The following DPYSL2 variants were observed in gnomAD, a reference collection of about 807,000 sequenced individuals.
DPYSL2 encodes the protein dihydropyrimidinase like 2, also known as dihydropyrimidinase-related protein 2.
DPYSL2 carries 13 observed loss-of-function variants against 69.9 expected under a neutral mutation model. The observed-to-expected ratio is 0.19, with a 90% confidence interval of 0.12 to 0.30. The LOEUF (loss-of-function observed/expected upper bound fraction) is 0.30. Ranked by LOEUF, DPYSL2 falls within the 10% of genes least tolerant of loss-of-function variation. The pLI, the probability that DPYSL2 is intolerant of heterozygous loss-of-function variation, is 1.00. For synonymous variants in DPYSL2, 326 were observed against 359.1 expected (o/e 0.91, Z 1.04); for missense variants, 587 against 918.9 (o/e 0.64, Z 4.67).
chr8:26,655,496 CA>C (rs202021759), intron 13 of DPYSL2, 118 bp from the exon 14 acceptor site: 1,028 of 870,978 alleles, frequency 1.2e-3, no homozygotes, highest in South Asian at 2.7e-3. Context: ...ACGCTGTCTC[CA>C]AAAAAAAAGA....
At chr8:26,639,759 TTAA>T (rs1802998906) in intron 8 of DPYSL2, among the ~76,000 whole-genome samples, 2 of 152,150 alleles carry the variant, frequency 1.3e-5, no homozygotes, top group African/African-American at 4.8e-5. Context: ...TTGGGAGTAT[TTAA>T]TAATATTTTC....
At chr8:26,549,151 T>C (rs1800831680) in intron 1 of DPYSL2, among the ~76,000 whole-genome samples, 1 of 151,864 alleles carries the variant, frequency 6.6e-6, no homozygotes, top group East Asian at 1.9e-4. Flanking sequence ...ATCATGCCAC[T>C]GCACTCCAGC....
intron 1 of DPYSL2, among the ~76,000 whole-genome samples, chr8:26,570,561 A>AC (rs1340745306): frequency 6.6e-6 from 1 of 152,018 alleles, no homozygotes; most frequent in Non-Finnish European, 1.5e-5. Context: ...ACATAGTGAA[A>AC]CCCCATCTCT....
intron 7 of DPYSL2, among the ~76,000 whole-genome samples, chr8:26,630,221 C>T (rs390323): frequency 0.079 from 11,959 of 152,320 alleles, 699 homozygotes; most frequent in Admixed American, 0.21. Flanking sequence ...TTGCAGACAC[C>T]GCAAGGGTTC....
At chr8:26,612,803 G>T (rs6557929) in intron 3 of DPYSL2, among the ~76,000 whole-genome samples, 26,260 of 152,208 alleles carry the variant, frequency 0.17, 2,366 homozygotes, top group Middle Eastern at 0.24. Context: ...GAAGGAGGCG[G>T]TGGTTTAAGC....
chr8:26,528,545 G>A (rs1808523087), intron 1 of DPYSL2, among the ~76,000 whole-genome samples: 1 of 151,908 alleles, frequency 6.6e-6, no homozygotes, highest in African/African-American at 2.4e-5. Flanking sequence ...TACTCAGGAG[G>A]CTGAGGCAGG....
At chr8:26,611,930 A>C (rs1802238680) in intron 3 of DPYSL2, among the ~76,000 whole-genome samples, 1 of 152,232 alleles carries the variant, frequency 6.6e-6, no homozygotes, top group African/African-American at 2.4e-5. Context: ...CTAACAAGGC[A>C]GCCTGGGCTG....
In DPYSL2 at chr8:26,591,112, G is replaced by A. The variant is rs1355166530; in HGVS notation, c.628+7129G>A. Among the ~76,000 whole-genome samples, 4 of 152,196 alleles carry A rather than the reference G, an allele frequency of 2.6e-5. No homozygotes were observed. The highest frequency in any genetic ancestry group is 7.2e-5 in the African/African-American group (3 of 41,462). On this transcript the variant is annotated intron_variant, in intron 3 of 13. Coordinates refer to ENST00000521913, the MANE Select transcript of DPYSL2 (RefSeq NM_001197293.3). This position sits in a 1 kb window ranked among gnomAD's most constrained non-coding sequence, Gnocchi z 5.8. ...GTGGTGATCTTCCACCCCTTCAGGT[G>A]CCCTCATCCCAGTTCCTACTCTGCC...
rs190693812 is a variant in DPYSL2 at position 26,643,410 on chromosome 8, G to A, written c.1127-29G>A. 1.9e-6 allele frequency: 3 copies of A among 1,562,786 alleles called. No homozygotes were observed. Among genetic ancestry groups the A allele is most frequent in the East Asian group, 2.2e-5 (1 of 44,622 alleles). ...GTTCCCTTCCCCCTGCATTGTGTTGGACTGAACCTTGTGTGTTCTGTTTGT... is the reference window on the plus strand; with the variant it reads ...GTTCCCTTCCCCCTGCATTGTGTTGAACTGAACCTTGTGTGTTCTGTTTGT... On this transcript the variant is annotated intron_variant, in intron 8 of 13. Coordinates refer to ENST00000521913, the MANE Select transcript of DPYSL2 (RefSeq NM_001197293.3). The surrounding 1 kb of genome is among the most constrained non-coding windows in gnomAD (Gnocchi z 6.5).
chr8:26,552,943 G>A (rs1256004469), intron 1 of DPYSL2, among the ~76,000 whole-genome samples: 2 of 152,140 alleles, frequency 1.3e-5, no homozygotes, highest in Non-Finnish European at 2.9e-5. Flanking sequence ...GAAGACACAA[G>A]TTACTAATAT....
In DPYSL2 at chr8:26,533,453, A is replaced by G. The variant is rs1053705908; in HGVS notation, c.354+18774A>G. Among the ~76,000 whole-genome samples, 2 of 152,218 alleles carry G rather than the reference A, an allele frequency of 1.3e-5. No individual in the cohort carries two copies. Among genetic ancestry groups the G allele is most frequent in the African/African-American group, 4.8e-5 (2 of 41,464 alleles). ...AGCGTATTTCCTATTCCAAGGTCACAAAGACTTACCCCTGTGTTTTCTCCT... is the reference window on the plus strand; with the variant it reads ...AGCGTATTTCCTATTCCAAGGTCACGAAGACTTACCCCTGTGTTTTCTCCT... On this transcript the variant is annotated intron_variant, in intron 1 of 13. Transcript: ENST00000521913. The surrounding 1 kb of genome is among the most constrained non-coding windows in gnomAD (Gnocchi z 4.8).
intron 3 of DPYSL2, among the ~76,000 whole-genome samples, chr8:26,608,222 T>C (rs1028146570): frequency 6.6e-6 from 1 of 152,218 alleles, no homozygotes; most frequent in Non-Finnish European, 1.5e-5. Context: ...AAAAACATTA[T>C]GATGCTACTT....
chr8:26,622,190 A>C (rs1243760721), intron 3 of DPYSL2, among the ~76,000 whole-genome samples: 1 of 37,626 alleles, frequency 2.7e-5, no homozygotes, highest in African/African-American at 1.2e-4. Context: ...TCTTTCTTTT[A>C]TTTTTGTTTT....
In DPYSL2 at chr8:26,627,749, G is replaced by A. The variant is rs1802652804; in HGVS notation, c.937-123G>A. On this transcript the variant is annotated intron_variant, in intron 6 of 13. Coordinates refer to ENST00000521913, the MANE Select transcript of DPYSL2 (RefSeq NM_001197293.3). This position sits in a 1 kb window ranked among gnomAD's most constrained non-coding sequence, Gnocchi z 6.9. ...TCTCTTCATGAGGTCTTGGGATGAGGGCAGAACGATCGGCAGTGGTAATTT... is the reference window on the plus strand; with the variant it reads ...TCTCTTCATGAGGTCTTGGGATGAGAGCAGAACGATCGGCAGTGGTAATTT... The A allele has an allele frequency of 2.1e-6, 2 of 949,112 alleles. No homozygotes were observed. The highest frequency in any genetic ancestry group is 1.6e-5 in the African/African-American group (1 of 62,048). 58.8% of individuals were successfully genotyped at this position (949,112 alleles called of 1,614,324 possible). A position where few individuals can be genotyped will look rare whatever the true frequency, so the allele number is the denominator to read the frequency against.
chr8:26,627,427 C>T lies in DPYSL2; in HGVS notation c.936+132C>T. On this transcript the variant is annotated intron_variant, in intron 6 of 13. Coordinates refer to ENST00000521913, the MANE Select transcript of DPYSL2 (RefSeq NM_001197293.3). The surrounding 1 kb of genome is among the most constrained non-coding windows in gnomAD (Gnocchi z 6.9). ...GGGACCTGGTGTTCCCTTGCTGGAG[C>T]TCTGCTCAGTCTCACCCATGGCATG... The T allele has an allele frequency of 2.2e-6, 2 of 919,676 alleles. No homozygotes were observed. The highest frequency in any genetic ancestry group is 3.4e-6 in the Non-Finnish European group (2 of 585,012). The allele number at this position is 919,676 out of a possible 1,614,324, so 57.0% of individuals were successfully genotyped here.
intron 8 of DPYSL2, among the ~76,000 whole-genome samples, chr8:26,635,557 C>T (rs557977017): frequency 1.3e-5 from 2 of 152,258 alleles, no homozygotes; most frequent in South Asian, 2.1e-4. Flanking sequence ...ACATGAATTT[C>T]GATAATCACA....
chr8:26,616,509 G>A (rs1475462802), intron 3 of DPYSL2, among the ~76,000 whole-genome samples: 1 of 152,136 alleles, frequency 6.6e-6, no homozygotes, highest in Non-Finnish European at 1.5e-5. Flanking sequence ...AAAAGGGAGA[G>A]GCTGATTCAC....
At chr8:26,542,601 T>C (rs1800703559) in intron 1 of DPYSL2, among the ~76,000 whole-genome samples, 1 of 152,040 alleles carries the variant, frequency 6.6e-6, no homozygotes, top group Non-Finnish European at 1.5e-5. Flanking sequence ...CAATTTTTAA[T>C]TTTTTTGTAG....
chr8:26,552,695 G>T (rs1021816716), intron 1 of DPYSL2, among the ~76,000 whole-genome samples: 7 of 152,148 alleles, frequency 4.6e-5, no homozygotes, highest in African/African-American at 1.7e-4. Flanking sequence ...TGCCAAACTG[G>T]CTTTCATAAC....
Sources: allele counts gnomAD v4.1 joint callset (sites outside exome capture counted in the v4.1 genomes callset), GRCh38; gene constraint gnomAD v4.1.1; non-coding constraint Gnocchi (gnomAD v3.1); transcripts MANE v1.5; gene names NCBI Gene and HGNC (gene_info 2026-07-23, HGNC 2026-07-21).